VRTN: variants seen among roughly 807,000 people sequenced by gnomAD.
VRTN encodes vertebrae development associated.
A neutral mutation model predicts 18.2 loss-of-function variants in VRTN; 5 were observed. That is an observed-to-expected ratio of 0.27 (90% CI 0.14 to 0.58). VRTN has a LOEUF of 0.58. VRTN is among the 20% of genes least tolerant of loss of function. The pLI, the probability that VRTN is intolerant of heterozygous loss-of-function variation, is 0.91. For synonymous variants in VRTN, 381 were observed against 393.7 expected (o/e 0.97, Z 0.38); for missense variants, 741 against 939.4 (o/e 0.79, Z 2.76).
intron 1 of VRTN, among the ~76,000 whole-genome samples, chr14:74,311,279 C>T (rs892545632): frequency 6.6e-6 from 1 of 152,166 alleles, no homozygotes; most frequent in African/African-American, 2.4e-5. Flanking sequence ...CAGAGCCAAG[C>T]TGTTCACAGC....
In VRTN at chr14:74,358,733, G is replaced by T. The variant is rs1376566134; in HGVS notation, c.1950G>T (p.Lys650Asn). ...TGATGGACATGATCGCTACCACGAA[G>T]TTCAAGGCCCAGGCCAAGCTGTTCT... ...MLVMDMIATTKFKAQAKLFLQ... is the reference protein window; with the variant it reads ...MLVMDMIATTNFKAQAKLFLQ... Residue 650 changes from lysine (K) to asparagine (N), a missense_variant, in exon 2 of 2, where the codon AAG (lysine) becomes AAT (asparagine). Physicochemically the swap from Lys to Asn is moderately conservative, Grantham distance 94. Transcript: ENST00000256362. The surrounding 1 kb of genome is among the most constrained non-coding windows in gnomAD (Gnocchi z 5.4). 2 of 1,614,220 alleles carry T rather than the reference G, an allele frequency of 1.2e-6. No homozygotes were observed. The highest frequency in any genetic ancestry group is 1.7e-6 in the Non-Finnish European group (2 of 1,180,046).
chr14:74,313,605 C>T (rs767114966), intron 1 of VRTN, among the ~76,000 whole-genome samples: 1 of 152,160 alleles, frequency 6.6e-6, no homozygotes, highest in East Asian at 1.9e-4. Context: ...GCTGTCACGT[C>T]CTCTAGATCT....
At chr14:74,306,672 A>T (rs72730115) in intron 1 of VRTN, 1 of 150,264 alleles carries the variant, frequency 6.7e-6, no homozygotes, top group Non-Finnish European at 1.5e-5. Context: ...CAGTGGGATA[A>T]TAATCACAGC....
chr14:74,352,387 C>T (rs1357490431), intron 1 of VRTN, among the ~76,000 whole-genome samples: 1 of 151,950 alleles, frequency 6.6e-6, no homozygotes, highest in East Asian at 1.9e-4. Flanking sequence ...CCATCTTGGC[C>T]AGGCTGGTCA....
intron 1 of VRTN, among the ~76,000 whole-genome samples, chr14:74,321,758 C>G (rs1241860497): frequency 6.6e-6 from 1 of 152,040 alleles, no homozygotes; most frequent in Non-Finnish European, 1.5e-5. Flanking sequence ...CTTGCCTCAG[C>G]CTCCCAAAAT....
At position 74,358,613 on chromosome 14, in the gene VRTN, G is replaced by C. The variant is rs772239650; in HGVS notation, c.1830G>C (p.Gln610His). 1 of 1,601,556 alleles carries C rather than the reference G, an allele frequency of 6.2e-7. No homozygotes were observed. Among genetic ancestry groups the C allele is most frequent in the Admixed American group, 1.7e-5 (1 of 59,034 alleles). ...GGCCTTCCAGAGAGGGGGCCCTGCA[G>C]GAGGGGGCCACAGCCCAGGGCCAGC... is the stretch of plus-strand genomic sequence containing the variant. Reference protein sequence around the residue: ...EGGPSREGALQEGATAQGQPH... With the variant: ...EGGPSREGALHEGATAQGQPH... The change falls in exon 2 of 2, where the codon CAG (glutamine) becomes CAC (histidine). Residue 610 changes from glutamine (Q) to histidine (H), a missense_variant. By Grantham distance (24) the Gln-to-His change is conservative (BLOSUM62 0). Around this residue, in one of 3 missense-constraint regions of VRTN, gnomAD observed 494 missense variants for 546.5 expected, o/e 0.90. Transcript: ENST00000256362. The surrounding 1 kb of genome is among the most constrained non-coding windows in gnomAD (Gnocchi z 5.4).
chr14:74,311,260 C>T (rs903828915), intron 1 of VRTN, among the ~76,000 whole-genome samples: 1 of 152,086 alleles, frequency 6.6e-6, no homozygotes, highest in African/African-American at 2.4e-5. Context: ...ATAAGTTTGT[C>T]TTCCACCCCA....
chr14:74,306,151 TA>T (rs2085347906), intron 1 of VRTN: 2 of 78,106 alleles, frequency 2.6e-5, no homozygotes, highest in African/African-American at 1.5e-4. Flanking sequence ...TATACATATA[TA>T]TATATATATA....
At chr14:74,343,151 A>G (rs929404589) in intron 2 of VRTN, among the ~76,000 whole-genome samples, 1 of 151,826 alleles carries the variant, frequency 6.6e-6, no homozygotes, top group Non-Finnish European at 1.5e-5. Context: ...TTTTTGAGAC[A>G]GAGTCTTGCT....
At chr14:74,354,650 G>A (rs1018252674) in intron 1 of VRTN, among the ~76,000 whole-genome samples, 4 of 151,858 alleles carry the variant, frequency 2.6e-5, no homozygotes, top group Non-Finnish European at 5.9e-5. Flanking sequence ...TGGTCCGCCC[G>A]TGTCGGCCTC....
At chr14:74,347,792 G>C (rs1429932780), upstream of VRTN, among the ~76,000 whole-genome samples, 1 of 152,196 alleles carries the variant, frequency 6.6e-6, no homozygotes, top group African/African-American at 2.4e-5. Flanking sequence ...CTTTCAGTGG[G>C]GCTCAGTAAG....
chr14:74,344,493 A>G (rs1595172630), upstream of VRTN, among the ~76,000 whole-genome samples: 1 of 149,740 alleles, frequency 6.7e-6, no homozygotes, highest in Non-Finnish European at 1.5e-5. Context: ...AGCACTTTGG[A>G]AGGCTGAGGT....
upstream of VRTN, among the ~76,000 whole-genome samples, chr14:74,343,516 A>G (rs147539436): frequency 6.6e-6 from 1 of 152,196 alleles, no homozygotes; most frequent in African/African-American, 2.4e-5. Context: ...ATACTTGTAC[A>G]TGTGGAAAAT....
chr14:74,357,784 A>C lies in VRTN; in HGVS notation c.1001A>C (p.Gln334Pro), dbSNP rs1042061492. The C allele has an allele frequency of 6.2e-7, 1 of 1,613,162 alleles. No individual in the cohort carries two copies. The highest frequency in any genetic ancestry group is 1.7e-5 in the Admixed American group (1 of 60,026). ...FHRGGVVPLQ[Q>P]FLQRFPEISR... Reference sequence around the variant, plus strand: ...CGGGGGGGCGTCGTGCCACTTCAGCAGTTCCTCCAGCGGTTCCCGGAGATC... The same window carrying C: ...CGGGGGGGCGTCGTGCCACTTCAGCCGTTCCTCCAGCGGTTCCCGGAGATC... The change falls in exon 2 of 2, where the codon CAG becomes CCG. Residue 334 changes from glutamine (Q) to proline (P), a missense_variant. Physicochemically the swap from Gln to Pro is moderately conservative, Grantham distance 76 (BLOSUM62 -1). Coordinates refer to ENST00000256362, the MANE Select transcript of VRTN (RefSeq NM_018228.3). This position sits in a 1 kb window ranked among gnomAD's most constrained non-coding sequence, Gnocchi z 7.8.
chr14:74,320,388 G>C (rs1197302850), intron 1 of VRTN, among the ~76,000 whole-genome samples: 1 of 146,682 alleles, frequency 6.8e-6, no homozygotes, highest in Non-Finnish European at 1.5e-5. Context: ...AGCCTCCCAA[G>C]AAGCTGGGAC....
In VRTN at chr14:74,357,677, C is replaced by T. The variant is rs1420161283; in HGVS notation, c.894C>T (p.Arg298=). 3.1e-6 allele frequency: 5 copies of T among 1,613,538 alleles called. No homozygotes were observed. In the East Asian group the frequency reaches 6.7e-5, roughly 22 times the overall value. Residue 298 remains arginine, a synonymous_variant, in exon 2 of 2, where the codon CGC becomes CGT. Transcript: ENST00000256362. This position sits in a 1 kb window ranked among gnomAD's most constrained non-coding sequence, Gnocchi z 7.8. The part of the protein sequence containing the change: ...RYSVTKSTFY[R]WRRQSQEHRQ... ...GCGTCACCAAAAGCACCTTCTACCG[C>T]TGGCGGCGGCAGTCCCAGGAGCACC...
rs1417079037 is a variant in VRTN at position 74,357,918 on chromosome 14, G to A, written c.1135G>A (p.Glu379Lys). The A allele has an allele frequency of 1.2e-6, 2 of 1,614,188 alleles. No individual in the cohort carries two copies. Among genetic ancestry groups the A allele is most frequent in the Middle Eastern group, 1.6e-4 (1 of 6,062 alleles). ...CATGGAGGAGCTAGAGAAGCTGCCG[G>A]AGGAGCAGGTGGCTGAGGAGGAGCT... ...LGMEELEKLPEEQVAEEELEC... is the reference protein window; with the variant it reads ...LGMEELEKLPKEQVAEEELEC... The change falls in exon 2 of 2, where the codon GAG (glutamate) becomes AAG (lysine). Residue 379 changes from glutamate to lysine, a missense_variant. Glu to Lys is a moderately conservative substitution (Grantham distance 56, BLOSUM62 1). Around this residue, in one of 3 missense-constraint regions of VRTN, gnomAD observed 494 missense variants for 546.5 expected, o/e 0.90. Transcript: ENST00000256362. This position sits in a 1 kb window ranked among gnomAD's most constrained non-coding sequence, Gnocchi z 7.8.
rs1216165347 is a variant in VRTN, at chr14:74,320,505, G to A, written c.-163-17218G>A. Among the ~76,000 whole-genome samples, 12 of 134,780 alleles carry A rather than the reference G, an allele frequency of 8.9e-5. No homozygotes were observed. The East Asian group carries it at 1.8e-3, about 20-fold the overall frequency. The allele number at this position is 134,780 out of a possible 152,430, so 88.4% of individuals were successfully genotyped here. A position where few individuals can be genotyped will look rare whatever the true frequency, so the allele number is the denominator to read the frequency against. ...TCTCGATCTCCTGACCTTGTGATCC[G>A]CCCGCCTTGGCCTCCCAAAGTGCTG... On this transcript the variant is annotated intron_variant, in intron 1 of 2. Coordinates refer to the VRTN transcript ENST00000557177.
At chr14:74,306,177 T>G (rs1380061106) in intron 1 of VRTN, 8 of 136,258 alleles carry the variant, frequency 5.9e-5, no homozygotes, top group African/African-American at 2.0e-4. Context: ...TATATATTTT[T>G]TTTTTTTTTT....
Sources: gnomAD v4.1 joint callset for allele counts (sites outside exome capture counted in the v4.1 genomes callset) on GRCh38, gnomAD v4.1.1 for gene constraint, gnomAD v4.1.1 regional missense constraint, Gnocchi (gnomAD v3.1) non-coding constraint, MANE v1.5 for transcripts, NCBI Gene and HGNC (gene_info 2026-07-23, HGNC 2026-07-21) for gene names.